The following MED25 variants were observed in gnomAD, a reference collection of about 807,000 sequenced individuals.
MED25 encodes the protein mediator of RNA polymerase II transcription subunit 25.
Under a neutral mutation model 89.4 loss-of-function variants are expected in MED25, and 62 were observed. That is an observed-to-expected ratio of 0.69 (90% CI 0.57 to 0.86). The LOEUF is 0.86. Ranked by LOEUF, MED25 falls within the 40% of genes least tolerant of loss-of-function variation. The probability of loss-of-function intolerance (pLI) is 0.00; values close to 1 mark genes in which losing one functional copy is unlikely to be tolerated. For missense variants in MED25, 905 were observed against 1,005.2 expected, an observed-to-expected ratio of 0.90 and a Z score of 1.35; for synonymous variants, 449 against 427.9, an observed-to-expected ratio of 1.05 and a Z score of -0.61.
downstream of MED25, among the ~76,000 whole-genome samples, chr19:49,837,385 G>A (rs1475273057): frequency 6.6e-6 from 1 of 152,232 alleles, no homozygotes; most frequent in Non-Finnish European, 1.5e-5. Flanking sequence ...GCAAGTTGAT[G>A]GATGCTTTTG....
chr19:49,826,973 T>C (rs1354449430), intron 3 of MED25, among the ~76,000 whole-genome samples: 3 of 152,128 alleles, frequency 2.0e-5, no homozygotes, highest in South Asian at 2.1e-4. Context: ...GTTGGGCCTG[T>C]AGACGTTCAT....
At chr19:49,825,988 G>T (rs1446627047) in intron 3 of MED25, among the ~76,000 whole-genome samples, 2 of 152,058 alleles carry the variant, frequency 1.3e-5, no homozygotes, top group African/African-American at 4.8e-5. Flanking sequence ...TAGCAGAACA[G>T]CTGGGTCCAG....
At chr19:49,821,434 C>T (rs1345520712) in intron 3 of MED25, among the ~76,000 whole-genome samples, 2 of 152,188 alleles carry the variant, frequency 1.3e-5, no homozygotes, top group South Asian at 2.1e-4. Flanking sequence ...GTAGCAGGGA[C>T]GGTAGCCAAA....
In MED25 at chr19:49,829,816, C is replaced by G; in HGVS notation, c.556C>G (p.Arg186Gly). 1.9e-6 allele frequency: 3 copies of G among 1,603,552 alleles called. No individual in the cohort carries two copies. Among genetic ancestry groups the G allele is most frequent in the East Asian group, 2.3e-5 (1 of 44,298 alleles). ...RGIHFSIVSP[R>G]KLPALRLLFE... is the part of the protein sequence containing the mutation. ...GATCCACTTCTCCATTGTGTCTCCC[C>G]GGAAGCTGCCTGCGCTTCGGCTTCT... Residue 186 changes from arginine to glycine, a missense_variant, in exon 6 of 18, where the codon CGG becomes GGG. By Grantham distance (125) the Arg-to-Gly change is moderately radical. Coordinates refer to ENST00000312865, the MANE Select transcript of MED25 (RefSeq NM_030973.4). This position sits in a 1 kb window ranked among gnomAD's most constrained non-coding sequence, Gnocchi z 4.6.
At chr19:49,818,963 C>T (rs920829351) in intron 2 of MED25, 18 of 642,962 alleles carry the variant, frequency 2.8e-5, no homozygotes, top group African/African-American at 1.5e-4. Context: ...GGGGCCTGGG[C>T]TCCTGGGTCT....
In MED25 at chr19:49,835,024, G is replaced by C; in HGVS notation, c.1521G>C (p.Glu507Asp). The C allele has an allele frequency of 6.2e-7, 1 of 1,614,114 alleles. No homozygotes were observed. The highest frequency in any genetic ancestry group is 8.5e-7 in the Non-Finnish European group (1 of 1,180,012). ...CVHFPHTAPC[E>D]VRVLMLLYSS... ...ACTTCCCCCACACGGCGCCCTGTGA[G>C]GTGCGCGTGCTCATGCTCCTGTACT... The change falls in exon 14 of 18, where the codon GAG becomes GAC. Residue 507 changes from glutamate (E) to aspartate (D), a missense_variant. This residue lies in a region of MED25 where 133 missense variants were observed against 220.2 expected (regional missense o/e 0.60). Coordinates refer to ENST00000312865, the MANE Select transcript of MED25 (RefSeq NM_030973.4). The surrounding 1 kb of genome is among the most constrained non-coding windows in gnomAD (Gnocchi z 6.2).
At chr19:49,827,280 C>T (rs1020794943) in intron 3 of MED25, among the ~76,000 whole-genome samples, 6 of 152,176 alleles carry the variant, frequency 3.9e-5, no homozygotes, top group African/African-American at 9.7e-5. Context: ...TGCTGCGACG[C>T]GACTGCAGAT....
In MED25 at chr19:49,830,470, G is replaced by A. The variant is rs1004510765; in HGVS notation, c.820-41G>A. On this transcript the variant is annotated intron_variant, in intron 7 of 17. Coordinates refer to ENST00000312865, the MANE Select transcript of MED25 (RefSeq NM_030973.4). This position sits in a 1 kb window ranked among gnomAD's most constrained non-coding sequence, Gnocchi z 4.6. ...TGGGATACCAGGACTGGGGGGCCATGGTCCTCACCAGTCCCTTCCCTTCTT... is the reference window on the plus strand; with the variant it reads ...TGGGATACCAGGACTGGGGGGCCATAGTCCTCACCAGTCCCTTCCCTTCTT... The A allele has an allele frequency of 9.4e-6, 15 of 1,587,848 alleles. No homozygotes were observed. The highest frequency in any genetic ancestry group is 1.3e-5 in the Non-Finnish European group (15 of 1,156,654).
At chr19:49,819,322 G>A in intron 3 of MED25, 26 bp downstream of exon 3, 1 of 1,613,524 alleles carries the variant, frequency 6.2e-7, no homozygotes, top group Non-Finnish European at 8.5e-7. Context: ...CTTGGGGTGG[G>A]TTGCTGGTCC....
intron 3 of MED25, 29 bp from the exon 4 acceptor site, chr19:49,828,420 C>T (rs765193819): frequency 2.0e-6 from 3 of 1,498,616 alleles, no homozygotes; most frequent in East Asian, 2.3e-5. Context: ...TGATGGCAAC[C>T]CTGGGGGCTG....
intron 2 of MED25, 44 bp downstream of exon 2, chr19:49,818,660 GC>G (rs2073956974): frequency 6.3e-7 from 1 of 1,577,512 alleles, no homozygotes; most frequent in South Asian, 1.1e-5. Flanking sequence ...GGGGCCGGGG[GC>G]CTGGACTCCT....
At chr19:49,823,034 G>A (rs1467200821) in intron 3 of MED25, among the ~76,000 whole-genome samples, 11 of 151,866 alleles carry the variant, frequency 7.2e-5, no homozygotes, top group Non-Finnish European at 1.5e-4. Flanking sequence ...CTGCAGCCTC[G>A]ACCTCTCGGG....
chr19:49,836,416 C>G lies in MED25; in HGVS notation c.2146+10C>G. On this transcript the variant is annotated intron_variant, in intron 17 of 17. Coordinates refer to ENST00000312865, the MANE Select transcript of MED25 (RefSeq NM_030973.4). The surrounding 1 kb of genome is among the most constrained non-coding windows in gnomAD (Gnocchi z 5.1). ...CGGGCTCCACTGCCAGGTAAGGGGA[C>G]CCGGGGGAGGGCAGAGGTCTGGACT... is the stretch of plus-strand genomic sequence containing the variant. 1 of 1,579,646 alleles carries G rather than the reference C, an allele frequency of 6.3e-7. No individual in the cohort carries two copies. Among genetic ancestry groups the G allele is most frequent in the South Asian group, 1.1e-5 (1 of 86,998 alleles).
At position 49,828,486 on chromosome 19, in the gene MED25, G is replaced by T. The variant is rs1433714797; in HGVS notation, c.343G>T (p.Ala115Ser). ...GGGTGGTGAGAGCTGCAGCCTCATC[G>T]CGGAAGGACTCAGCACAGCCTTGCA... ...GGGGESCSLIAEGLSTALQLF... is the reference protein window; with the variant it reads ...GGGGESCSLISEGLSTALQLF... The change falls in exon 4 of 18, where the codon GCG becomes TCG. Residue 115 changes from alanine (A) to serine (S), a missense_variant. Coordinates refer to ENST00000312865, the MANE Select transcript of MED25 (RefSeq NM_030973.4). The T allele has an allele frequency of 1.2e-6, 2 of 1,614,022 alleles. No individual in the cohort carries two copies. The highest frequency in any genetic ancestry group is 1.1e-5 in the South Asian group (1 of 91,086).
rs746566443 is a variant in MED25 at position 49,835,080 on chromosome 19, T to C, written c.1577T>C (p.Ile526Thr). ...SSKKKIFMGLIPYDQSGFVNG... is the reference protein window; with the variant it reads ...SSKKKIFMGLTPYDQSGFVNG... ...AAGAAGAAGATCTTCATGGGCCTCATCCCCTACGACCAGAGCGGCTTCGTC... is the reference window on the plus strand; with the variant it reads ...AAGAAGAAGATCTTCATGGGCCTCACCCCCTACGACCAGAGCGGCTTCGTC... The change falls in exon 14 of 18, where the codon ATC (isoleucine) becomes ACC (threonine). Residue 526 changes from isoleucine to threonine, a missense_variant. By Grantham distance (89) the Ile-to-Thr change is moderately conservative. Coordinates refer to ENST00000312865, the MANE Select transcript of MED25 (RefSeq NM_030973.4). This position sits in a 1 kb window ranked among gnomAD's most constrained non-coding sequence, Gnocchi z 6.2. 6.2e-7 allele frequency: 1 copy of C among 1,613,998 alleles called. No individual in the cohort carries two copies. Among genetic ancestry groups the C allele is most frequent in the Non-Finnish European group, 8.5e-7 (1 of 1,179,988 alleles).
chr19:49,829,995 C>T lies in MED25; in HGVS notation c.688+47C>T. The T allele has an allele frequency of 5.0e-6, 8 of 1,600,184 alleles. No individual in the cohort carries two copies. Among genetic ancestry groups the T allele is most frequent in the Non-Finnish European group, 6.8e-6 (8 of 1,171,632 alleles). Reference sequence around the variant, plus strand: ...CGGGGATGGGGGCTCGACGTGTTTCCCCAGCTCCCTCTGACTTGGATTTTG... The same window carrying T: ...CGGGGATGGGGGCTCGACGTGTTTCTCCAGCTCCCTCTGACTTGGATTTTG... On this transcript the variant is annotated intron_variant, in intron 6 of 17. Coordinates refer to ENST00000312865, the MANE Select transcript of MED25 (RefSeq NM_030973.4). This position sits in a 1 kb window ranked among gnomAD's most constrained non-coding sequence, Gnocchi z 4.6.
Position 49,829,629 on chromosome 19 carries a change from A to G in MED25, c.526-157A>G, listed in dbSNP as rs967668361. On this transcript the variant is annotated intron_variant, in intron 5 of 17. Coordinates refer to ENST00000312865, the MANE Select transcript of MED25 (RefSeq NM_030973.4). The surrounding 1 kb of genome is among the most constrained non-coding windows in gnomAD (Gnocchi z 4.6). ...AACCCAGAGTCTCCCGGGGCAGGTG[A>G]TACCTGGTTTCAGGGTCTCCTGCCT... Among the ~76,000 whole-genome samples, 35 of 152,246 alleles carry G rather than the reference A, an allele frequency of 2.3e-4. No homozygotes were observed. The highest frequency in any genetic ancestry group is 3.7e-4 in the Non-Finnish European group (25 of 68,010).
chr19:49,836,667 A>T lies in MED25; in HGVS notation c.2147-180A>T, dbSNP rs916714136. 58 of 738,626 alleles carry T rather than the reference A, an allele frequency of 7.9e-5. No homozygotes were observed. Among genetic ancestry groups the T allele is most frequent in the Non-Finnish European group, 1.3e-4 (53 of 407,278 alleles). The allele number at this position is 738,626 out of a possible 1,614,324, so 45.8% of individuals were successfully genotyped here. A position where few individuals can be genotyped will look rare whatever the true frequency, so the allele number is the denominator to read the frequency against. ...GGGAAATGTGGTCTTAGGGCCAGAG[A>T]AGTAGTTTTGGAGAAGGGCCCCCAA... On this transcript the variant is annotated intron_variant, in intron 17 of 17. Transcript: ENST00000312865. The surrounding 1 kb of genome is among the most constrained non-coding windows in gnomAD (Gnocchi z 5.1).
rs746971670 is a variant in MED25 at position 49,829,806 on chromosome 19, T to C, written c.546T>C (p.Ile182=). The change falls in exon 6 of 18, where the codon ATT becomes ATC. Residue 182 remains isoleucine (I), a synonymous_variant. Coordinates refer to ENST00000312865, the MANE Select transcript of MED25 (RefSeq NM_030973.4). This position sits in a 1 kb window ranked among gnomAD's most constrained non-coding sequence, Gnocchi z 4.6. ...QIGERGIHFS[I]VSPRKLPALR... is the part of the protein sequence containing the mutation. ...TACAGCGGGGGATCCACTTCTCCAT[T>C]GTGTCTCCCCGGAAGCTGCCTGCGC... The C allele has an allele frequency of 1.2e-6, 2 of 1,600,590 alleles. No homozygotes were observed. Among genetic ancestry groups the C allele is most frequent in the Non-Finnish European group, 8.5e-7 (1 of 1,173,798 alleles).
Sources: gnomAD v4.1 joint callset for allele counts (sites outside exome capture counted in the v4.1 genomes callset) on GRCh38, gnomAD v4.1.1 for gene constraint, gnomAD v4.1.1 regional missense constraint, Gnocchi (gnomAD v3.1) non-coding constraint, MANE v1.5 for transcripts, NCBI Gene and HGNC (gene_info 2026-07-23, HGNC 2026-07-21) for gene names.